Variants in CARMIL3 observed in about 807,000 individuals in gnomAD.
CARMIL3 encodes the protein capping protein regulator and myosin 1 linker 3.
A neutral mutation model predicts 180.8 loss-of-function variants in CARMIL3; 88 were observed. That is an observed-to-expected ratio of 0.49 (90% confidence interval 0.41 to 0.58). The LOEUF (loss-of-function observed/expected upper bound fraction) is 0.58. Among genes scored for constraint, CARMIL3 ranks in the 20% least tolerant of loss-of-function variants. The pLI, the probability that CARMIL3 is intolerant of heterozygous loss-of-function variation, is 0.00. For missense variants in CARMIL3, 1,548 were observed against 1,787.0 expected (o/e 0.87, Z 2.41); for synonymous variants, 696 against 714.5 (o/e 0.97, Z 0.41).
In CARMIL3 at chr14:24,069,512, G is replaced by T; in HGVS notation, c.*108G>T. 2 of 1,450,384 alleles carry T rather than the reference G, an allele frequency of 1.4e-6. No individual in the cohort carries two copies. Among genetic ancestry groups the T allele is most frequent in the Non-Finnish European group, 1.9e-6 (2 of 1,054,392 alleles). The allele number at this position is 1,450,384 out of a possible 1,614,324, so 89.8% of individuals were successfully genotyped here. A position where few individuals can be genotyped will look rare whatever the true frequency, so the allele number is the denominator to read the frequency against. On this transcript the variant is annotated 3_prime_UTR_variant, in exon 40 of 40. Transcript: ENST00000342740. Reference sequence around the variant, plus strand: ...CCCTGCCAGCCCCTGTCCTACAGGGGCAAGACGGCAGGACCAGGCATGGGG... The same window carrying T: ...CCCTGCCAGCCCCTGTCCTACAGGGTCAAGACGGCAGGACCAGGCATGGGG...
chr14:24,060,871 A>C (rs2138750330), intron 25 of CARMIL3, 56 bp from the exon 26 acceptor site: 2 of 1,541,454 alleles, frequency 1.3e-6, no homozygotes, highest in East Asian at 4.9e-5. Context: ...CAGGGACCCC[A>C]GAGACCTAGC....
At chr14:24,065,529 T>C in intron 33 of CARMIL3, 93 bp from the exon 34 acceptor site, 2 of 1,506,286 alleles carry the variant, frequency 1.3e-6, no homozygotes, top group Non-Finnish European at 1.8e-6. Flanking sequence ...GGCTAGGGAC[T>C]CAGTGAGGCA....
Position 24,054,150 on chromosome 14 carries a change from T to C in CARMIL3, c.186+12T>C, listed in dbSNP as rs1299424418. ...AAGTCCCGGCCAAGGTGAGTTGGGC[T>C]GAGGAGCAGGAGAGCACCTGGCATG... On this transcript the variant is annotated intron_variant, in intron 3 of 39. Coordinates refer to ENST00000342740, the MANE Select transcript of CARMIL3 (RefSeq NM_138360.4). The surrounding 1 kb of genome is among the most constrained non-coding windows in gnomAD (Gnocchi z 5.1). 1.9e-6 allele frequency: 3 copies of C among 1,614,026 alleles called. No individual in the cohort carries two copies. The highest frequency in any genetic ancestry group is 3.3e-5 in the Admixed American group (2 of 60,010).
At position 24,060,718 on chromosome 14, in the gene CARMIL3, G is replaced by T. The variant is rs765102810; in HGVS notation, c.2152G>T (p.Ala718Ser). 3.7e-6 allele frequency: 6 copies of T among 1,614,006 alleles called. No individual in the cohort carries two copies. The highest frequency in any genetic ancestry group is 4.2e-6 in the Non-Finnish European group (5 of 1,179,964). Residue 718 changes from alanine to serine, a missense_variant, in exon 25 of 40, where the codon GCT becomes TCT. Around this residue, in one of 4 missense-constraint regions of CARMIL3, gnomAD observed 297 missense variants for 415.9 expected, o/e 0.71. Transcript: ENST00000342740. Reference protein sequence around the residue: ...LEPVQDELLYARDLIKDAKNS... With the variant: ...LEPVQDELLYSRDLIKDAKNS... ...GCCTGTGCAGGATGAGCTACTCTAC[G>T]CTCGGGACCTCATCAAAGATGCCAA...
chr14:24,057,278 T>C, intron 14 of CARMIL3, 34 bp downstream of exon 14: 1 of 1,603,326 alleles, frequency 6.2e-7, no homozygotes, highest in Non-Finnish European at 8.5e-7. Context: ...CAGTCTGAGG[T>C]GATTTGGGGA....
intron 29 of CARMIL3, 100 bp downstream of exon 29, chr14:24,062,946 C>T (rs887472327): frequency 1.9e-5 from 29 of 1,541,018 alleles, no homozygotes; most frequent in Non-Finnish European, 2.5e-5. Context: ...CCCTGGCCAC[C>T]TCACTGTGCC....
intron 1 of CARMIL3, among the ~76,000 whole-genome samples, chr14:24,053,089 G>A (rs1438219111): frequency 6.6e-6 from 1 of 151,874 alleles, no homozygotes; most frequent in Non-Finnish European, 1.5e-5. Flanking sequence ...CACTATATCT[G>A]GGTGGTTCTG....
chr14:24,063,866 C>T (rs931831219), intron 31 of CARMIL3, among the ~76,000 whole-genome samples: 16 of 151,696 alleles, frequency 1.1e-4, no homozygotes, highest in East Asian at 2.0e-4. Flanking sequence ...GAGGCTGAGG[C>T]GGGCAGATCA....
chr14:24,058,090 G>A lies in CARMIL3; in HGVS notation c.1322+26G>A, dbSNP rs528670636. 2.0e-5 allele frequency: 33 copies of A among 1,613,654 alleles called. No individual in the cohort carries two copies. Among genetic ancestry groups the A allele is most frequent in the East Asian group, 1.8e-4 (8 of 44,872 alleles). ...GTCGGGTGGGTGCAGGGTTGGGGGC[G>A]CATCCAAGGGAACCACGGGGAGCGG... On this transcript the variant is annotated intron_variant, in intron 16 of 39. Transcript: ENST00000342740. The surrounding 1 kb of genome is among the most constrained non-coding windows in gnomAD (Gnocchi z 6.4).
chr14:24,057,941 C>A lies in CARMIL3; in HGVS notation c.1218-19C>A. ...ATGGCCAACCCCCTCCCTCGCTGAC[C>A]CCAGGGGTCTCTCCACAGGAAGGGT... On this transcript the variant is annotated intron_variant, in intron 15 of 39. Coordinates refer to ENST00000342740, the MANE Select transcript of CARMIL3 (RefSeq NM_138360.4). The A allele has an allele frequency of 6.2e-7, 1 of 1,613,356 alleles. No individual in the cohort carries two copies. Among genetic ancestry groups the A allele is most frequent in the Non-Finnish European group, 8.5e-7 (1 of 1,179,936 alleles).
intron 34 of CARMIL3, 83 bp from the exon 35 acceptor site, chr14:24,066,315 A>G: frequency 6.8e-7 from 1 of 1,470,650 alleles, no homozygotes; most frequent in Non-Finnish European, 9.4e-7. Flanking sequence ...AATGACATGG[A>G]GATGCTAGAG....
Position 24,054,030 on chromosome 14 carries a change from C to T in CARMIL3, c.136-58C>T. ...GCAGAGCTGAAGGGCTTAAGGAGGG[C>T]AGGGCCACCAAGGCCCAGCAGCTGC... On this transcript the variant is annotated intron_variant, in intron 2 of 39. Transcript: ENST00000342740. This position sits in a 1 kb window ranked among gnomAD's most constrained non-coding sequence, Gnocchi z 5.1. 1.3e-6 allele frequency: 2 copies of T among 1,592,456 alleles called. No homozygotes were observed. Among genetic ancestry groups the T allele is most frequent in the Non-Finnish European group, 8.6e-7 (1 of 1,163,792 alleles).
In CARMIL3 at chr14:24,061,628, G is replaced by A. The variant is rs183512435; in HGVS notation, c.2436G>A (p.Gly812=). The A allele has an allele frequency of 1.9e-6, 3 of 1,613,914 alleles. No individual in the cohort carries two copies. Among genetic ancestry groups the A allele is most frequent in the Admixed American group, 3.3e-5 (2 of 60,012 alleles). ...RVTVPRNFIR[G]ALLEQAGQDI... is the part of the protein sequence containing the mutation. ...CTGTGCCCCGGAACTTCATCCGAGG[G>A]GCACTGCTGGAGCAAGCAGGACAGG... The change falls in exon 27 of 40, where the codon GGG becomes GGA. Residue 812 remains glycine, a synonymous_variant. Transcript: ENST00000342740. The surrounding 1 kb of genome is among the most constrained non-coding windows in gnomAD (Gnocchi z 4.1).
chr14:24,053,972 G>A, intron 2 of CARMIL3, 116 bp from the exon 3 acceptor site: 1 of 1,285,490 alleles, frequency 7.8e-7, no homozygotes, highest in East Asian at 2.5e-5. Flanking sequence ...AGAAGTCTAG[G>A]GTAGGGCATC....
intron 30 of CARMIL3, 28 bp downstream of exon 30, chr14:24,063,211 G>T (rs2035750282): frequency 6.2e-7 from 1 of 1,607,892 alleles, no homozygotes; most frequent in Admixed American, 1.7e-5. Flanking sequence ...CGTTCTCATG[G>T]ACTCCAGACT....
Position 24,058,223 on chromosome 14 carries a change from A to C in CARMIL3, c.1391A>C (p.Glu464Ala). ...SDLHLDLSSC[E>A]LRSAGAQALQ... ...CTGCACCTGGATCTCAGCAGCTGCG[A>C]GGTGAGCCCTCAGTCCCCAACCCCT... Residue 464 changes from glutamate to alanine, a missense_variant and splice_region_variant, in exon 17 of 40, where the codon GAG becomes GCG. Physicochemically the swap from Glu to Ala is moderately radical, Grantham distance 107. Coordinates refer to ENST00000342740, the MANE Select transcript of CARMIL3 (RefSeq NM_138360.4). The surrounding 1 kb of genome is among the most constrained non-coding windows in gnomAD (Gnocchi z 6.4). 1 of 1,613,310 alleles carries C rather than the reference A, an allele frequency of 6.2e-7. No homozygotes were observed. Among genetic ancestry groups the C allele is most frequent in the Non-Finnish European group, 8.5e-7 (1 of 1,179,814 alleles).
In CARMIL3 at chr14:24,054,493, A is replaced by G. The variant is rs1250699891; in HGVS notation, c.344A>G (p.Lys115Arg). ...CGACATGTGAGCTCTGCCCTGTCCA[A>G]GGTCTGCCCTGGCCCTGGGTGAGTG... is the stretch of plus-strand genomic sequence containing the variant. ...VTRHVSSALSKVCPGPGCLIR... is the reference protein window; with the variant it reads ...VTRHVSSALSRVCPGPGCLIR... The change falls in exon 5 of 40, where the codon AAG (lysine) becomes AGG (arginine). Residue 115 changes from lysine (K) to arginine (R), a missense_variant. By Grantham distance (26) the Lys-to-Arg change is conservative (BLOSUM62 2). Coordinates refer to ENST00000342740, the MANE Select transcript of CARMIL3 (RefSeq NM_138360.4). The surrounding 1 kb of genome is among the most constrained non-coding windows in gnomAD (Gnocchi z 5.1). 2.5e-6 allele frequency: 4 copies of G among 1,613,614 alleles called. No homozygotes were observed. The highest frequency in any genetic ancestry group is 3.4e-6 in the Non-Finnish European group (4 of 1,179,996).
Position 24,059,440 on chromosome 14 carries a change from C to T in CARMIL3, c.1797C>T (p.Leu599=). Residue 599 remains leucine, a splice_region_variant and synonymous_variant, in exon 21 of 40, where the codon CTC becomes CTT. Transcript: ENST00000342740. This position sits in a 1 kb window ranked among gnomAD's most constrained non-coding sequence, Gnocchi z 6.3. The part of the protein sequence containing the change: ...LSKALQINSS[L]RTILWDRNNT... ...AGGCCCTGCAGATAAACTCCTCCCT[C>T]AGGTGGGGCCCACACCGGGACCCCC... 6.4e-7 allele frequency: 1 copy of T among 1,568,074 alleles called. No individual in the cohort carries two copies. The highest frequency in any genetic ancestry group is 8.6e-7 in the Non-Finnish European group (1 of 1,156,500).
chr14:24,066,121 A>G (rs1422400976), intron 34 of CARMIL3, among the ~76,000 whole-genome samples: 3 of 152,208 alleles, frequency 2.0e-5, no homozygotes, highest in African/African-American at 7.2e-5. Context: ...AGACCTAGAC[A>G]TTATCTTTAA....
Sources: allele counts gnomAD v4.1 joint callset (sites outside exome capture counted in the v4.1 genomes callset), GRCh38; gene constraint gnomAD v4.1.1; regional missense constraint gnomAD v4.1.1; non-coding constraint Gnocchi (gnomAD v3.1); transcripts MANE v1.5; gene names NCBI Gene and HGNC (gene_info 2026-07-23, HGNC 2026-07-21).